Variants in DLGAP2 observed in about 807,000 individuals in gnomAD.
DLGAP2 encodes DLG associated protein 2.
In DLGAP2, 26 loss-of-function variants were observed where a neutral mutation model predicts 100.3. That is an observed-to-expected ratio of 0.26 (90% CI 0.19 to 0.36). The LOEUF (loss-of-function observed/expected upper bound fraction) is 0.36. Among genes scored for constraint, DLGAP2 ranks in the 10% least tolerant of loss-of-function variants. The pLI is 1.00. For synonymous variants in DLGAP2, 886 were observed against 630.1 expected, an observed-to-expected ratio of 1.41 and a Z score of -6.08; for missense variants, 1,858 against 1,453.2, an observed-to-expected ratio of 1.28 and a Z score of -4.53.
At chr8:1,601,271 G>C (rs1796614751) in intron 6 of DLGAP2, among the ~76,000 whole-genome samples, 2 of 152,198 alleles carry the variant, frequency 1.3e-5, no homozygotes, top group African/African-American at 4.8e-5. Context: ...ACTCCTGCCA[G>C]ATGCCAGCCG....
In DLGAP2 at chr8:1,701,476, T is replaced by A. The variant is rs558698432; in HGVS notation, c.*70T>A. ...ACGCTTGTGCAGCGCGGCGCCGCCC[T>A]GGTGGTTTCTGTCTCCTCCTCCCGC... On this transcript the variant is annotated 3_prime_UTR_variant, in exon 15 of 15. Coordinates refer to ENST00000637795, the MANE Select transcript of DLGAP2 (RefSeq NM_001346810.2). 4 of 1,451,044 alleles carry A rather than the reference T, an allele frequency of 2.8e-6. No individual in the cohort carries two copies. The highest frequency in any genetic ancestry group is 3.7e-6 in the Non-Finnish European group (4 of 1,081,686). 89.9% of individuals were successfully genotyped at this position (1,451,044 alleles called of 1,614,324 possible).
intron 4 of DLGAP2, among the ~76,000 whole-genome samples, chr8:1,525,157 G>A (rs1800749817): frequency 6.9e-6 from 1 of 145,038 alleles, no homozygotes; most frequent in Non-Finnish European, 1.5e-5. Context: ...CAACTTCAAA[G>A]CAATTCACCG....
intron 2 of DLGAP2, among the ~76,000 whole-genome samples, chr8:1,196,403 C>G (rs1797750413): frequency 6.6e-6 from 1 of 152,144 alleles, no homozygotes; most frequent in African/African-American, 2.4e-5. Context: ...AGGGGAGAAG[C>G]CAGATAGGTG....
At chr8:1,353,676 GC>G (rs1228543937) in intron 3 of DLGAP2, among the ~76,000 whole-genome samples, 1 of 152,150 alleles carries the variant, frequency 6.6e-6, no homozygotes, top group Non-Finnish European at 1.5e-5. Context: ...AGATTAGCAA[GC>G]TTTTAGAAGC....
intron 2 of DLGAP2, among the ~76,000 whole-genome samples, chr8:1,210,192 G>C (rs1312138897): frequency 2.0e-5 from 3 of 152,096 alleles, no homozygotes; most frequent in Non-Finnish European, 4.4e-5. Context: ...GGGCTCTGCT[G>C]GGCATGTGAC....
At chr8:947,627 C>T (rs1472312897) in intron 2 of DLGAP2, among the ~76,000 whole-genome samples, 1 of 152,214 alleles carries the variant, frequency 6.6e-6, no homozygotes, top group East Asian at 1.9e-4. Context: ...TCAGCCTGGT[C>T]ACCACCTCCA....
At chr8:1,059,095 C>T (rs1053042360) in intron 2 of DLGAP2, among the ~76,000 whole-genome samples, 5 of 152,162 alleles carry the variant, frequency 3.3e-5, no homozygotes, top group South Asian at 2.1e-4. Flanking sequence ...ACCTCAGGTT[C>T]GCCCATCTCT....
At chr8:1,305,556 C>T (rs1200652735) in intron 3 of DLGAP2, among the ~76,000 whole-genome samples, 1 of 152,178 alleles carries the variant, frequency 6.6e-6, no homozygotes, top group Admixed American at 6.5e-5. Flanking sequence ...ATCTGTGCTT[C>T]ACCCAAATTG....
rs188119006 is a variant in DLGAP2, at chr8:1,409,038, A to T, written c.107-92328A>T. Among the ~76,000 whole-genome samples, 240 of 152,340 alleles carry T rather than the reference A, an allele frequency of 1.6e-3. 2 individuals are homozygous for T. Among genetic ancestry groups the T allele is most frequent in the African/African-American group, 5.5e-3 (228 of 41,584 alleles). On this transcript the variant is annotated intron_variant, in intron 3 of 14. Coordinates refer to ENST00000637795, the MANE Select transcript of DLGAP2 (RefSeq NM_001346810.2). ...AAGACAGCAGCATTGCCTCAGTTCCAGAATGTGGACCACTGCCCAACCCCT... is the reference window on the plus strand; with the variant it reads ...AAGACAGCAGCATTGCCTCAGTTCCTGAATGTGGACCACTGCCCAACCCCT...
At chr8:1,201,938 ATG>A (rs376888244) in intron 2 of DLGAP2, among the ~76,000 whole-genome samples, 84 of 147,086 alleles carry the variant, frequency 5.7e-4, no homozygotes, top group African/African-American at 2.1e-3. Context: ...TCTGTGTGTG[ATG>A]TGTGTATGTG....
At chr8:1,076,622 T>C (rs1803621218) in intron 2 of DLGAP2, among the ~76,000 whole-genome samples, 1 of 152,194 alleles carries the variant, frequency 6.6e-6, no homozygotes, top group African/African-American at 2.4e-5. Flanking sequence ...AACTTTGCGG[T>C]CTGTACGTCT....
At chr8:1,629,078 G>A (rs1355543887) in intron 7 of DLGAP2, among the ~76,000 whole-genome samples, 1 of 152,204 alleles carries the variant, frequency 6.6e-6, no homozygotes, top group Non-Finnish European at 1.5e-5. Context: ...TGAGCTCTTG[G>A]TAGCTTGCCT....
At chr8:981,211 T>C (rs1800322146) in intron 2 of DLGAP2, among the ~76,000 whole-genome samples, 1 of 152,172 alleles carries the variant, frequency 6.6e-6, no homozygotes, top group Non-Finnish European at 1.5e-5. Context: ...CTTAGCATAG[T>C]GTTTCCAAGG....
chr8:787,245 A>G (rs931233834), intron 1 of DLGAP2, among the ~76,000 whole-genome samples: 2 of 152,100 alleles, frequency 1.3e-5, no homozygotes, highest in Non-Finnish European at 2.9e-5. Context: ...TCGTGTTCGA[A>G]CGTTAGTAAC....
At chr8:949,044 G>A (rs530964745) in intron 2 of DLGAP2, among the ~76,000 whole-genome samples, 1 of 152,244 alleles carries the variant, frequency 6.6e-6, no homozygotes, top group African/African-American at 2.4e-5. Context: ...GGGACGCCAG[G>A]GTGGGAGCAG....
intron 2 of DLGAP2, among the ~76,000 whole-genome samples, chr8:1,234,510 C>T (rs1448480699): frequency 6.6e-6 from 1 of 152,178 alleles, no homozygotes; most frequent in East Asian, 1.9e-4. Flanking sequence ...GTGACCTCTC[C>T]TTAACCATTT....
intron 2 of DLGAP2, among the ~76,000 whole-genome samples, chr8:1,235,588 T>TTACG (rs1441165834): frequency 4.0e-5 from 5 of 125,022 alleles, no homozygotes; most frequent in Non-Finnish European, 6.4e-5. Context: ...CCATGTCTAG[T>TTACG]TCTCTCACAT....
intron 2 of DLGAP2, among the ~76,000 whole-genome samples, chr8:1,250,079 C>T (rs1184264687): frequency 6.6e-6 from 1 of 152,128 alleles, no homozygotes; most frequent in Non-Finnish European, 1.5e-5. Context: ...TGGGGTTTCA[C>T]CATGTTGGTC....
intron 3 of DLGAP2, among the ~76,000 whole-genome samples, chr8:1,387,255 C>T (rs1034981401): frequency 6.6e-6 from 1 of 152,136 alleles, no homozygotes; most frequent in Non-Finnish European, 1.5e-5. Flanking sequence ...TGCTGATTTT[C>T]TTCATAAGGC....
Sources: gnomAD v4.1 joint callset for allele counts (sites outside exome capture counted in the v4.1 genomes callset) on GRCh38, gnomAD v4.1.1 for gene constraint, MANE v1.5 for transcripts, NCBI Gene and HGNC (gene_info 2026-07-23, HGNC 2026-07-21) for gene names.